The following CRYBG3 variants were observed in gnomAD, a reference collection of about 807,000 sequenced individuals.
CRYBG3 encodes very large A-kinase anchor protein.
In CRYBG3, 127 loss-of-function variants were observed where a neutral mutation model predicts 244.2. The ratio of observed to expected loss-of-function variants is 0.52; its 90% CI spans 0.45 to 0.60. The LOEUF (loss-of-function observed/expected upper bound fraction) is 0.60, where lower values mean the gene tolerates loss of function less well. CRYBG3 is among the 20% of genes least tolerant of loss of function. The pLI is 0.00. For missense variants in CRYBG3, 3,325 were observed against 3,442.5 expected, an observed-to-expected ratio of 0.97 and a Z score of 0.85; for synonymous variants, 1,132 against 1,195.8, an observed-to-expected ratio of 0.95 and a Z score of 1.10.
At chr3:97,838,281 G>A (rs912478246) in intron 1 of CRYBG3, among the ~76,000 whole-genome samples, 2 of 152,098 alleles carry the variant, frequency 1.3e-5, no homozygotes, top group Non-Finnish European at 1.5e-5. Context: ...CTAATCTTTA[G>A]CCACACTTAA....
At chr3:97,859,542 G>A (rs1218821928) in intron 2 of CRYBG3, among the ~76,000 whole-genome samples, 1 of 152,150 alleles carries the variant, frequency 6.6e-6, no homozygotes, top group Non-Finnish European at 1.5e-5. Flanking sequence ...ATAGTATCTT[G>A]TTGATTATTT....
chr3:97,922,830 A>G (rs1348112649), intron 17 of CRYBG3, among the ~76,000 whole-genome samples: 1 of 152,140 alleles, frequency 6.6e-6, no homozygotes, highest in Non-Finnish European at 1.5e-5. Context: ...CAGCAATCTC[A>G]TTACTGGGTA....
chr3:97,892,768 G>T, intron 10 of CRYBG3, 92 bp from the exon 11 acceptor site: 2 of 574,918 alleles, frequency 3.5e-6, no homozygotes, highest in South Asian at 3.7e-5. Context: ...AAAAAAAATA[G>T]ATAGTAGTCC....
chr3:97,895,357 C>A (rs1343383734), intron 11 of CRYBG3, among the ~76,000 whole-genome samples: 2 of 152,140 alleles, frequency 1.3e-5, no homozygotes, highest in East Asian at 3.8e-4. Flanking sequence ...AGTAGTGGGA[C>A]CAACATTTCC....
chr3:97,899,383 A>G, intron 14 of CRYBG3, 120 bp downstream of exon 14: 2 of 1,035,442 alleles, frequency 1.9e-6, no homozygotes, highest in Non-Finnish European at 2.8e-6. Flanking sequence ...ATAGAAAGAA[A>G]ATGCAATATC....
chr3:97,889,963 CA>C (rs376675158), intron 10 of CRYBG3, among the ~76,000 whole-genome samples: 3 of 152,206 alleles, frequency 2.0e-5, no homozygotes, highest in Middle Eastern at 3.4e-3. Context: ...CAAACCAGTA[CA>C]GTGATAAAAG....
At chr3:97,847,659 C>G (rs2038923156) in intron 2 of CRYBG3, among the ~76,000 whole-genome samples, 1 of 152,198 alleles carries the variant, frequency 6.6e-6, no homozygotes, top group Non-Finnish European at 1.5e-5. Flanking sequence ...GTTATAGATT[C>G]TCCAACCCAG....
chr3:97,902,425 TTTTA>T (rs1363580707), intron 15 of CRYBG3, among the ~76,000 whole-genome samples: 1 of 152,126 alleles, frequency 6.6e-6, no homozygotes, highest in Non-Finnish European at 1.5e-5. Flanking sequence ...TATTTTTTAA[TTTTA>T]TTTATTTTTT....
rs1202300372 is a variant in CRYBG3 at position 97,875,308 on chromosome 3, A to G, written c.4114A>G (p.Ser1372Gly). Residue 1372 changes from serine to glycine, a missense_variant, in exon 4 of 22, where the codon AGT becomes GGT. Coordinates refer to ENST00000389622, the MANE Select transcript of CRYBG3 (RefSeq NM_153605.4). ...GCCAGTAAATCAAAGCACACAAATT[A>G]GTGAAAATAAAGTATTAAATGAATT... is the stretch of plus-strand genomic sequence containing the variant. ...EQPVNQSTQI[S>G]ENKVLNEFFS... 3 of 1,446,100 alleles carry G rather than the reference A, an allele frequency of 2.1e-6. No individual in the cohort carries two copies. Among genetic ancestry groups the G allele is most frequent in the Non-Finnish European group, 2.7e-6 (3 of 1,107,438 alleles). 89.6% of individuals were successfully genotyped at this position (1,446,100 alleles called of 1,614,324 possible).
chr3:97,936,706 A>T, intron 18 of CRYBG3, 79 bp from the exon 19 acceptor site: 1 of 1,466,552 alleles, frequency 6.8e-7, no homozygotes, highest in South Asian at 1.3e-5. Context: ...GAACCCTATA[A>T]GGCAAAGTGC....
chr3:97,939,189 G>GT (rs562923080), intron 19 of CRYBG3, among the ~76,000 whole-genome samples: 44 of 151,956 alleles, frequency 2.9e-4, no homozygotes, highest in South Asian at 1.7e-3. Flanking sequence ...TTACAAGGAA[G>GT]TTTTTTTTAA....
At chr3:97,937,939 C>T (rs1199963792) in intron 19 of CRYBG3, among the ~76,000 whole-genome samples, 2 of 151,964 alleles carry the variant, frequency 1.3e-5, no homozygotes, top group African/African-American at 2.4e-5. Context: ...ACATAAAATG[C>T]AAAACAATGC....
At chr3:97,918,327 G>C (rs11915454) in intron 17 of CRYBG3, among the ~76,000 whole-genome samples, 36,620 of 152,140 alleles carry the variant, frequency 0.24, 4,725 homozygotes, top group Middle Eastern at 0.33. Context: ...TTACATTCTA[G>C]AGGGGCATTG....
rs144950315 is a variant in CRYBG3, at chr3:97,936,163, A to G, written c.8382-622A>G. Reference sequence around the variant, plus strand: ...GCAGCCGTAGGCAATCCTTAAAGCAATGGGCATGACTGTGTTCCATTAAAT... The same window carrying G: ...GCAGCCGTAGGCAATCCTTAAAGCAGTGGGCATGACTGTGTTCCATTAAAT... On this transcript the variant is annotated intron_variant, in intron 18 of 21. Transcript: ENST00000389622. 2.4e-3 allele frequency among the ~76,000 whole-genome samples: 370 copies of G among 152,232 alleles called. 2 individuals carry two copies. The highest frequency in any genetic ancestry group is 8.6e-3 in the African/African-American group (357 of 41,562).
In CRYBG3 at chr3:97,876,787, G is replaced by T. The variant is rs1333283090; in HGVS notation, c.5593G>T (p.Ala1865Ser). Residue 1865 changes from alanine to serine, a missense_variant, in exon 4 of 22, where the codon GCA becomes TCA. By Grantham distance (99) the Ala-to-Ser change is moderately conservative (BLOSUM62 1). Transcript: ENST00000389622. ...ENIGKHKVLPAVVDIEKIHGT... is the reference protein window; with the variant it reads ...ENIGKHKVLPSVVDIEKIHGT... Reference sequence around the variant, plus strand: ...TATTGGGAAACACAAAGTGTTACCCGCAGTGGTAGACATTGAGAAAATACA... The same window carrying T: ...TATTGGGAAACACAAAGTGTTACCCTCAGTGGTAGACATTGAGAAAATACA... The T allele has an allele frequency of 1.5e-4, 193 of 1,277,106 alleles. 1 individual carries two copies. Among genetic ancestry groups the T allele is most frequent in the African/African-American group, 3.1e-5 (2 of 65,208 alleles). The allele number at this position is 1,277,106 out of a possible 1,614,324, so 79.1% of individuals were successfully genotyped here. A position where few individuals can be genotyped will look rare whatever the true frequency, so the allele number is the denominator to read the frequency against.
chr3:97,933,406 G>A (rs2040120007), intron 17 of CRYBG3: 1 of 429,696 alleles, frequency 2.3e-6, no homozygotes, highest in Non-Finnish European at 4.3e-6. Flanking sequence ...AGTACCACAA[G>A]ACCTTAATCT....
intron 2 of CRYBG3, among the ~76,000 whole-genome samples, chr3:97,849,435 T>G (rs1481517718): frequency 6.6e-6 from 1 of 151,488 alleles, no homozygotes; most frequent in Non-Finnish European, 1.5e-5. Flanking sequence ...TCTTGATTGC[T>G]TCTAAAAAAA....
chr3:97,884,960 ATTTG>A (rs1189784976), intron 7 of CRYBG3, among the ~76,000 whole-genome samples: 2 of 152,146 alleles, frequency 1.3e-5, no homozygotes, highest in African/African-American at 4.8e-5. Context: ...TGCAGAGGAA[ATTTG>A]TTTGTGTGAG....
chr3:97,916,843 A>C (rs960675256), intron 17 of CRYBG3, among the ~76,000 whole-genome samples: 1 of 152,138 alleles, frequency 6.6e-6, no homozygotes, highest in Non-Finnish European at 1.5e-5. Context: ...CATGGAAAGA[A>C]TAAGTGGCTA....
Sources: gnomAD v4.1 joint callset for allele counts (sites outside exome capture counted in the v4.1 genomes callset) on GRCh38, gnomAD v4.1.1 for gene constraint, MANE v1.5 for transcripts, NCBI Gene and HGNC (gene_info 2026-07-23, HGNC 2026-07-21) for gene names.